NELL1: variants seen among roughly 807,000 people sequenced by gnomAD.
NELL1 encodes the protein neural EGFL like 1.
Under a neutral mutation model 107.4 loss-of-function variants are expected in NELL1, and 76 were observed. The observed-to-expected ratio is 0.71, with a 90% CI of 0.59 to 0.86. The LOEUF is 0.86. Among genes scored for constraint, NELL1 ranks in the 40% least tolerant of loss-of-function variants. NELL1 has a pLI of 0.00. For missense variants in NELL1, 1,024 were observed against 1,005.5 expected, an observed-to-expected ratio of 1.02 and a Z score of -0.25; for synonymous variants, 353 against 341.2, an observed-to-expected ratio of 1.03 and a Z score of -0.38.
chr11:21,226,651 T>C (rs764941969), intron 13 of NELL1, among the ~76,000 whole-genome samples: 5 of 152,178 alleles, frequency 3.3e-5, no homozygotes, highest in Non-Finnish European at 7.3e-5. Context: ...GAAAATATGC[T>C]ACAATTCCTC....
intron 12 of NELL1, among the ~76,000 whole-genome samples, chr11:21,056,394 C>A (rs1257685770): frequency 6.6e-6 from 1 of 152,118 alleles, no homozygotes; most frequent in Non-Finnish European, 1.5e-5. Flanking sequence ...AGAAAGACTT[C>A]CCCTCAGAAG....
At chr11:20,783,863 C>A in intron 3 of NELL1, 33 bp downstream of exon 3, 1 of 1,585,242 alleles carries the variant, frequency 6.3e-7, no homozygotes, top group South Asian at 1.2e-5. Flanking sequence ...TGAAAATCTC[C>A]TTAGAGTTAA....
chr11:20,686,218 G>A (rs960536436), intron 2 of NELL1, among the ~76,000 whole-genome samples: 3 of 151,994 alleles, frequency 2.0e-5, no homozygotes, highest in South Asian at 4.2e-4. Flanking sequence ...TAATAATATC[G>A]ATACATTTAA....
chr11:20,787,871 G>A (rs1564909512), intron 3 of NELL1, among the ~76,000 whole-genome samples: 1 of 152,074 alleles, frequency 6.6e-6, no homozygotes, highest in Non-Finnish European at 1.5e-5. Context: ...TTCCCCATAA[G>A]CTCCCAAGCC....
At chr11:21,414,278 T>C (rs1165974886) in intron 15 of NELL1, among the ~76,000 whole-genome samples, 1 of 152,034 alleles carries the variant, frequency 6.6e-6, no homozygotes, top group Admixed American at 6.6e-5. Context: ...ATGGAACTGA[T>C]GGTACTTATA....
At chr11:21,390,425 C>T (rs1380067796) in intron 15 of NELL1, among the ~76,000 whole-genome samples, 1 of 149,832 alleles carries the variant, frequency 6.7e-6, no homozygotes, top group African/African-American at 2.4e-5. Context: ...AGAGTTTTTT[C>T]AGTTTTAGAT....
chr11:21,375,170 A>C (rs1851445824), intron 15 of NELL1, among the ~76,000 whole-genome samples: 1 of 152,050 alleles, frequency 6.6e-6, no homozygotes, highest in African/African-American at 2.4e-5. Context: ...TACTGAGAAC[A>C]GTACTCAATA....
intron 3 of NELL1, among the ~76,000 whole-genome samples, chr11:20,843,589 A>AAATATAT (rs1848655423): frequency 6.8e-6 from 1 of 147,382 alleles, no homozygotes; most frequent in South Asian, 2.1e-4. Context: ...TATTTTATAT[A>AAATATAT]TTATATAAAT....
chr11:21,287,851 C>A (rs565903770), intron 14 of NELL1, among the ~76,000 whole-genome samples: 2 of 151,974 alleles, frequency 1.3e-5, no homozygotes, highest in South Asian at 4.2e-4. Context: ...CATGTTTTAT[C>A]CCCACCATCC....
chr11:20,844,685 G>GCATCAAGA (rs1347439247), intron 3 of NELL1, among the ~76,000 whole-genome samples: 1 of 152,126 alleles, frequency 6.6e-6, no homozygotes, highest in African/African-American at 2.4e-5. Context: ...AGACCAGCTG[G>GCATCAAGA]CCAGGAAGTA....
intron 15 of NELL1, among the ~76,000 whole-genome samples, chr11:21,406,582 G>A (rs1160288321): frequency 2.0e-5 from 3 of 151,964 alleles, no homozygotes; most frequent in Non-Finnish European, 4.4e-5. Context: ...AGGTAATTTA[G>A]AACTACATCT....
chr11:21,261,599 A>G (rs548825090), intron 14 of NELL1, among the ~76,000 whole-genome samples: 10 of 151,970 alleles, frequency 6.6e-5, no homozygotes, highest in African/African-American at 2.2e-4. Context: ...AGAGGCAGAG[A>G]GCGATTAAAG....
intron 2 of NELL1, among the ~76,000 whole-genome samples, 160 bp downstream of exon 2, chr11:20,678,220 C>A (rs1049306822): frequency 2.0e-5 from 3 of 151,894 alleles, no homozygotes; most frequent in Admixed American, 6.6e-5. Context: ...ATTCTGAGGG[C>A]AGGAGGGAGG....
chr11:20,942,466 TGGGAGTAG>T (rs565523090), intron 10 of NELL1, among the ~76,000 whole-genome samples: 34 of 152,074 alleles, frequency 2.2e-4, no homozygotes, highest in Middle Eastern at 3.4e-3. Context: ...CTCCCAGGGT[TGGGAGTAG>T]GGGAGTAGGG....
chr11:20,800,669 C>T (rs776482800), intron 3 of NELL1, among the ~76,000 whole-genome samples: 1 of 152,168 alleles, frequency 6.6e-6, no homozygotes, highest in Non-Finnish European at 1.5e-5. Context: ...ATAGCCTCTC[C>T]TGAGAGGTGG....
chr11:21,335,604 A>G (rs1850371838), intron 14 of NELL1, among the ~76,000 whole-genome samples: 1 of 152,094 alleles, frequency 6.6e-6, no homozygotes, highest in Non-Finnish European at 1.5e-5. Context: ...TTTCAGAAGC[A>G]GATGGATCCC....
At chr11:21,478,419 C>T (rs4633468) in intron 15 of NELL1, among the ~76,000 whole-genome samples, 2 of 152,134 alleles carry the variant, frequency 1.3e-5, no homozygotes, top group African/African-American at 2.4e-5. Flanking sequence ...CCCACAAAGT[C>T]TTAACTTATT....
At chr11:20,795,857 T>G (rs1857159365) in intron 3 of NELL1, among the ~76,000 whole-genome samples, 1 of 152,192 alleles carries the variant, frequency 6.6e-6, no homozygotes, top group South Asian at 2.1e-4. Flanking sequence ...GGAAATAACT[T>G]TCTACTGTGA....
chr11:20,929,489 C>T (rs185502077), intron 9 of NELL1, among the ~76,000 whole-genome samples: 1 of 150,306 alleles, frequency 6.7e-6, no homozygotes, highest in South Asian at 2.1e-4. Context: ...GGGGGATGTA[C>T]TTGGAGTTGC....
Sources: gnomAD v4.1 joint callset for allele counts (sites outside exome capture counted in the v4.1 genomes callset) on GRCh38, gnomAD v4.1.1 for gene constraint, MANE v1.5 for transcripts, NCBI Gene and HGNC (gene_info 2026-07-23, HGNC 2026-07-21) for gene names.